The following RAB37 variants were observed in gnomAD, a reference collection of about 807,000 sequenced individuals.
The protein encoded by RAB37 is RAB37, member RAS oncogene family.
Under a neutral mutation model 33.1 loss-of-function variants are expected in RAB37, and 29 were observed. The observed-to-expected ratio is 0.88, with a 90% CI of 0.65 to 1.20. The LOEUF is 1.20. RAB37 is among the 50% of genes most tolerant of loss of function. RAB37 has a pLI of 0.00. For missense variants in RAB37, 299 were observed against 301.1 expected (o/e 0.99, Z 0.05); for synonymous variants, 128 against 119.5 (o/e 1.07, Z -0.47).
chr17:74,717,742 G>T (rs2144001071), intron 1 of RAB37, among the ~76,000 whole-genome samples: 1 of 151,022 alleles, frequency 6.6e-6, no homozygotes, highest in East Asian at 2.0e-4. Flanking sequence ...CTGGGAGGCA[G>T]AGGTTGTGGT....
chr17:74,723,809 C>A (rs1379576624), intron 1 of RAB37, among the ~76,000 whole-genome samples: 1 of 151,922 alleles, frequency 6.6e-6, no homozygotes, highest in Admixed American at 6.6e-5. Flanking sequence ...CTCCTGACCT[C>A]GTGATCCACT....
chr17:74,733,497 T>C (rs1351118104), upstream of RAB37, among the ~76,000 whole-genome samples: 1 of 114,832 alleles, frequency 8.7e-6, no homozygotes, highest in Non-Finnish European at 1.9e-5. Context: ...TGTGGTGTGA[T>C]TTGAGGTGTG....
chr17:74,691,727 G>A (rs1275825372), intron 1 of RAB37, among the ~76,000 whole-genome samples: 1 of 152,110 alleles, frequency 6.6e-6, no homozygotes, highest in African/African-American at 2.4e-5. Context: ...AGATGAATCC[G>A]TTTCTATCCA....
rs1567816853 is a variant in RAB37 at position 74,744,408 on chromosome 17, GC to G, written c.432+36del. The G allele has an allele frequency of 6.2e-7, 1 of 1,605,980 alleles. No homozygotes were observed. The highest frequency in any genetic ancestry group is 1.1e-5 in the South Asian group (1 of 90,908). On this transcript the variant is annotated intron_variant, in intron 6 of 8. Coordinates refer to ENST00000392613, the MANE Select transcript of RAB37 (RefSeq NM_001006638.3). This position sits in a 1 kb window ranked among gnomAD's most constrained non-coding sequence, Gnocchi z 4.2. ...TCCGGGGCAGGGTCAGCCCAGCCCT[GC>G]ACTTCCTCAGCCCTAGCCGGCCCCA...
chr17:74,712,833 A>G, intron 1 of RAB37: 6 of 1,614,066 alleles, frequency 3.7e-6, no homozygotes, highest in Non-Finnish European at 4.2e-6. Context: ...CCTGAGAGCC[A>G]GAAGAGGAGC....
chr17:74,698,003 C>T (rs2032666386), intron 1 of RAB37, among the ~76,000 whole-genome samples: 1 of 152,098 alleles, frequency 6.6e-6, no homozygotes, highest in African/African-American at 2.4e-5. Flanking sequence ...TCAGTACCTC[C>T]TTGACAACCA....
chr17:74,737,439 T>C, intron 1 of RAB37, 74 bp downstream of exon 1: 1 of 1,434,190 alleles, frequency 7.0e-7, no homozygotes, highest in Non-Finnish European at 9.3e-7. Flanking sequence ...TGGGTTGGAC[T>C]CAGCCCTTCC....
chr17:74,692,756 G>A (rs1174978376), intron 1 of RAB37, among the ~76,000 whole-genome samples: 6 of 152,164 alleles, frequency 3.9e-5, no homozygotes, highest in Admixed American at 1.3e-4. Context: ...AAAGGAGTCT[G>A]TCCACGTCAT....
intron 1 of RAB37, chr17:74,703,048 G>T: frequency 6.2e-7 from 1 of 1,613,756 alleles, no homozygotes; most frequent in Non-Finnish European, 8.5e-7. Flanking sequence ...TTGTCCAAGT[G>T]GTGGCCGGTC....
At chr17:74,713,046 C>A in intron 1 of RAB37, 1 of 611,598 alleles carries the variant, frequency 1.6e-6, no homozygotes, top group East Asian at 3.0e-5. Flanking sequence ...GTGGCTCAGG[C>A]CTGTAATCCT....
chr17:74,698,957 C>T (rs1468531131), intron 1 of RAB37, among the ~76,000 whole-genome samples: 2 of 152,182 alleles, frequency 1.3e-5, no homozygotes, highest in Non-Finnish European at 2.9e-5. Context: ...CTTGCTCTGT[C>T]ACCCAGGCTG....
At chr17:74,704,449 G>GAC (rs770044122) in intron 1 of RAB37, 5 of 1,498,500 alleles carry the variant, frequency 3.3e-6, no homozygotes, top group Non-Finnish European at 4.6e-6. Flanking sequence ...GGCCCTGAGA[G>GAC]ACACACACAT....
chr17:74,704,347 G>T, intron 1 of RAB37: 1 of 702,472 alleles, frequency 1.4e-6, no homozygotes, highest in South Asian at 1.8e-5. Flanking sequence ...CAGGTGGTCA[G>T]TCAGGGTTCT....
At chr17:74,689,963 CT>C (rs1480708537) in intron 1 of RAB37, among the ~76,000 whole-genome samples, 5 of 152,038 alleles carry the variant, frequency 3.3e-5, no homozygotes, top group Non-Finnish European at 5.9e-5. Context: ...CAAGTGGAAT[CT>C]TTTTTGACAT....
intron 1 of RAB37, among the ~76,000 whole-genome samples, chr17:74,699,831 C>T (rs942435255): frequency 6.6e-6 from 1 of 152,054 alleles, no homozygotes; most frequent in Admixed American, 6.6e-5. Flanking sequence ...TCAAAGCACA[C>T]CCCTCTCTTT....
intron 1 of RAB37, chr17:74,698,443 A>G: frequency 6.2e-7 from 1 of 1,614,038 alleles, no homozygotes; most frequent in Non-Finnish European, 8.5e-7. Context: ...TATGGTGAAG[A>G]TGAGGGGCAG....
rs772174577 is a variant in RAB37, at chr17:74,744,339, A to C, written c.398A>C (p.Gln133Pro). ...AWLTEIHEYA[Q>P]RDVVIMLLGN... ...CTCACTGAGATTCATGAGTATGCCC[A>C]GAGGGACGTGGTGATCATGCTGCTA... Residue 133 changes from glutamine to proline, a missense_variant, in exon 6 of 9, where the codon CAG (glutamine) becomes CCG (proline). Transcript: ENST00000392613. This position sits in a 1 kb window ranked among gnomAD's most constrained non-coding sequence, Gnocchi z 4.2. The C allele has an allele frequency of 6.4e-5, 103 of 1,614,144 alleles. No individual in the cohort carries two copies. In the East Asian group the frequency reaches 2.1e-3, roughly 33 times the overall value.
intron 1 of RAB37, chr17:74,698,248 G>C: frequency 1.4e-6 from 1 of 738,014 alleles, no homozygotes; most frequent in Non-Finnish European, 2.3e-6. Context: ...GCTGCTGAGG[G>C]CCTTTGGGAC....
intron 1 of RAB37, among the ~76,000 whole-genome samples, chr17:74,677,184 T>C (rs1339199785): frequency 6.6e-6 from 1 of 151,838 alleles, no homozygotes; most frequent in East Asian, 1.9e-4. Context: ...AAATAAAAAA[T>C]AAAGTTAACA....
Sources: allele counts gnomAD v4.1 joint callset (sites outside exome capture counted in the v4.1 genomes callset), GRCh38; gene constraint gnomAD v4.1.1; non-coding constraint Gnocchi (gnomAD v3.1); transcripts MANE v1.5; gene names NCBI Gene and HGNC (gene_info 2026-07-23, HGNC 2026-07-21).